The following PLA2R1 variants were observed in gnomAD, a reference collection of about 807,000 sequenced individuals.
PLA2R1 encodes phospholipase A2 receptor 1.
Under a neutral mutation model 195.9 loss-of-function variants are expected in PLA2R1, and 158 were observed. The ratio of observed to expected loss-of-function variants is 0.81; its 90% CI spans 0.71 to 0.92. The LOEUF (loss-of-function observed/expected upper bound fraction) is 0.92, where lower values mean the gene tolerates loss of function less well. Among genes scored for constraint, PLA2R1 ranks in the 40% least tolerant of loss-of-function variants. PLA2R1 has a pLI of 0.00. For synonymous variants in PLA2R1, 586 were observed against 598.2 expected (o/e 0.98, Z 0.30); for missense variants, 1,626 against 1,764.6 (o/e 0.92, Z 1.41).
intron 20 of PLA2R1, among the ~76,000 whole-genome samples, chr2:159,960,707 C>A (rs1051635899): frequency 5.3e-5 from 8 of 152,140 alleles, no homozygotes; most frequent in African/African-American, 1.9e-4. Context: ...CCTGGGTAAA[C>A]CCCTGGTCAA....
intron 15 of PLA2R1, 60 bp downstream of exon 15, chr2:159,977,224 G>T: frequency 1.5e-6 from 2 of 1,292,068 alleles, no homozygotes; most frequent in South Asian, 1.3e-5. Flanking sequence ...TTTAAATTGG[G>T]AAAGTACTAG....
intron 20 of PLA2R1, among the ~76,000 whole-genome samples, chr2:159,960,046 T>G (rs2105186648): frequency 6.6e-6 from 1 of 152,226 alleles, no homozygotes; most frequent in African/African-American, 2.4e-5. Flanking sequence ...CCATCAAGGG[T>G]TTCCCACTGC....
At chr2:159,982,428 AG>A (rs1228775891) in intron 13 of PLA2R1, among the ~76,000 whole-genome samples, 4 of 152,236 alleles carry the variant, frequency 2.6e-5, no homozygotes, top group Non-Finnish European at 5.9e-5. Context: ...CATTTCCCGT[AG>A]GGACTAGCAG....
At position 159,956,606 on chromosome 2, in the gene PLA2R1, TG is replaced by T. The variant is rs749047480; in HGVS notation, c.2925del (p.Asp977ThrfsTer36). 1 of 1,609,886 alleles carries T rather than the reference TG, an allele frequency of 6.2e-7. No individual in the cohort carries two copies. Among genetic ancestry groups the T allele is most frequent in the African/African-American group, 1.3e-5 (1 of 74,820 alleles). The part of the protein sequence containing the change: ...FNYKCLLLNI[P>X]KDPSSWKNWT... Reference sequence around the variant, plus strand: ...CAGTTCTTCCAACTGCTTGGGTCTTTGGGGATATTCAGCAGAAGGCACTATC... The same window carrying T: ...CAGTTCTTCCAACTGCTTGGGTCTTTGGGATATTCAGCAGAAGGCACTATC... On this transcript the variant is annotated frameshift_variant, in exon 21 of 30. Coordinates refer to ENST00000283243, the MANE Select transcript of PLA2R1 (RefSeq NM_007366.5). LOFTEE classifies it high-confidence loss of function.
chr2:159,955,460 C>T lies in PLA2R1; in HGVS notation c.3154-114G>A, dbSNP rs1441590074. 13 of 661,796 alleles carry T rather than the reference C, an allele frequency of 2.0e-5. No homozygotes were observed. In the Admixed American group the frequency reaches 2.2e-4, roughly 11 times the overall value. The allele number at this position is 661,796 out of a possible 1,614,324, so 41.0% of individuals were successfully genotyped here. ...TAAGACACCATTATTCCTTTATTCGCATTTAATAAACTTATTCACAAGTCA... is the reference window on the plus strand; with the variant it reads ...TAAGACACCATTATTCCTTTATTCGTATTTAATAAACTTATTCACAAGTCA... On this transcript the variant is annotated intron_variant, in intron 22 of 29. Transcript: ENST00000283243.
chr2:159,977,558 G>T (rs1689659234), intron 14 of PLA2R1, 142 bp from the exon 15 acceptor site: 1 of 595,804 alleles, frequency 1.7e-6, no homozygotes, highest in South Asian at 3.1e-5. Flanking sequence ...CTAGTTGAAG[G>T]TTGTTTCACA....
At chr2:159,978,212 C>T (rs1033131234) in intron 14 of PLA2R1, among the ~76,000 whole-genome samples, 5 of 152,084 alleles carry the variant, frequency 3.3e-5, no homozygotes, top group South Asian at 4.2e-4. Context: ...AGGTCACTTT[C>T]CATGAGTGAC....
Position 159,935,955 on chromosome 2 carries a change from T to A in PLA2R1, c.*5823A>T, listed in dbSNP as rs1416219999. On this transcript the variant is annotated 3_prime_UTR_variant, in exon 30 of 30. Transcript: ENST00000283243. ...TATGTATATAAATTAATTTTTTTTT[T>A]TTTTTTTTTTTTTTGAGAGAGAGTC... The A allele has an allele frequency of 1.4e-5, 2 of 140,908 alleles. No homozygotes were observed. Among genetic ancestry groups the A allele is most frequent in the Admixed American group, 1.4e-4 (2 of 14,310 alleles). 8.7% of individuals were successfully genotyped at this position (140,908 alleles called of 1,614,324 possible). A position where few individuals can be genotyped will look rare whatever the true frequency, so the allele number is the denominator to read the frequency against.
At chr2:159,991,439 CTTT>C (rs34466452) in intron 11 of PLA2R1, among the ~76,000 whole-genome samples, 1 of 136,022 alleles carries the variant, frequency 7.4e-6, no homozygotes, top group Non-Finnish European at 1.6e-5. Context: ...CACTTTCTTT[CTTT>C]TTTTTTTTTT....
In PLA2R1 at chr2:160,054,335, T is replaced by C. The variant is rs1055362833; in HGVS notation, c.109+7960A>G. On this transcript the variant is annotated intron_variant, in intron 1 of 29. Coordinates refer to ENST00000283243, the MANE Select transcript of PLA2R1 (RefSeq NM_007366.5). ...TAGTGCTGGCCTCACAAGGCCTTGA[T>C]AGGGATTATCTCAGTCATGATGATC... 2.6e-5 allele frequency among the ~76,000 whole-genome samples: 4 copies of C among 152,214 alleles called. No individual in the cohort carries two copies. The East Asian group carries it at 5.8e-4, about 22-fold the overall frequency.
rs190926181 is a variant in PLA2R1, at chr2:159,977,665, C to T, written c.2269-249G>A. On this transcript the variant is annotated intron_variant, in intron 14 of 29. Coordinates refer to ENST00000283243, the MANE Select transcript of PLA2R1 (RefSeq NM_007366.5). ...AAACAAGAAAACAAAAGGCCAGGCACGGTGGCTCATGCCTGTAATCCCAGC... is the reference window on the plus strand; with the variant it reads ...AAACAAGAAAACAAAAGGCCAGGCATGGTGGCTCATGCCTGTAATCCCAGC... Among the ~76,000 whole-genome samples the T allele has an allele frequency of 6.8e-3, 1,032 of 152,254 alleles. 6 individuals are homozygous for T. Among genetic ancestry groups the T allele is most frequent in the Non-Finnish European group, 9.8e-3 (666 of 68,026 alleles).
rs1686788304 is a variant in PLA2R1, at chr2:159,935,750, T to G, written c.*6028A>C. 6.6e-6 allele frequency: 1 copy of G among 152,094 alleles called. No homozygotes were observed. The highest frequency in any genetic ancestry group is 2.1e-4 in the South Asian group (1 of 4,822). The allele number at this position is 152,094 out of a possible 1,614,324, so 9.4% of individuals were successfully genotyped here. On this transcript the variant is annotated 3_prime_UTR_variant, in exon 30 of 30. Transcript: ENST00000283243. ...CTTTGACTGGAGATACTACAACAATTTGAATTCTATCATAATCTATTTAAA... is the reference window on the plus strand; with the variant it reads ...CTTTGACTGGAGATACTACAACAATGTGAATTCTATCATAATCTATTTAAA...
intron 6 of PLA2R1, among the ~76,000 whole-genome samples, chr2:160,025,465 T>C (rs1239653287): frequency 6.6e-6 from 1 of 151,966 alleles, no homozygotes; most frequent in African/African-American, 2.4e-5. Flanking sequence ...GACATCAAAA[T>C]TTTAACTATT....
intron 11 of PLA2R1, among the ~76,000 whole-genome samples, chr2:159,994,197 T>C (rs1346954111): frequency 6.6e-6 from 1 of 151,816 alleles, no homozygotes; most frequent in East Asian, 1.9e-4. Flanking sequence ...TTTTTAAAAA[T>C]AAAAATGCGT....
rs1289129049 is a variant in PLA2R1 at position 159,989,848 on chromosome 2, T to C, written c.1835-2490A>G. 3.9e-5 allele frequency among the ~76,000 whole-genome samples: 6 copies of C among 152,194 alleles called. No individual in the cohort carries two copies. In the East Asian group the frequency reaches 5.8e-4, roughly 15 times the overall value. The stretch of plus-strand genomic sequence containing the variant: ...CAAGTTTGAAATGTAATATACTTTT[T>C]TGTTGGTCTTGCATTTTGTCTCACT... On this transcript the variant is annotated intron_variant, in intron 11 of 29. Coordinates refer to ENST00000283243, the MANE Select transcript of PLA2R1 (RefSeq NM_007366.5).
chr2:160,017,940 A>G (rs1485944219), intron 8 of PLA2R1, among the ~76,000 whole-genome samples: 1 of 152,194 alleles, frequency 6.6e-6, no homozygotes. Flanking sequence ...TGTCAGGCAT[A>G]CTATAGTTAA....
Position 160,033,138 on chromosome 2 carries a change from A to C in PLA2R1, c.668-6T>G. Reference sequence around the variant, plus strand: ...ACAACCTACTTCTGCAGAGGCTGGAAACAATGGCCATTAAAAACAACCAGG... The same window carrying C: ...ACAACCTACTTCTGCAGAGGCTGGACACAATGGCCATTAAAAACAACCAGG... On this transcript the variant is annotated splice_region_variant and splice_polypyrimidine_tract_variant and intron_variant, in intron 3 of 29. Transcript: ENST00000283243. 2 of 1,601,460 alleles carry C rather than the reference A, an allele frequency of 1.2e-6. No individual in the cohort carries two copies. Among genetic ancestry groups the C allele is most frequent in the Non-Finnish European group, 1.7e-6 (2 of 1,174,750 alleles).
rs1198881191 is a variant in PLA2R1 at position 159,939,630 on chromosome 2, T to C, written c.*2148A>G. ...AAGAAGTGTGTGATCTGTCCATGGGTCCAGATTATCTGGAGATGTTGTTCA... is the reference window on the plus strand; with the variant it reads ...AAGAAGTGTGTGATCTGTCCATGGGCCCAGATTATCTGGAGATGTTGTTCA... On this transcript the variant is annotated 3_prime_UTR_variant, in exon 30 of 30. Coordinates refer to ENST00000283243, the MANE Select transcript of PLA2R1 (RefSeq NM_007366.5). The C allele has an allele frequency of 6.6e-6, 1 of 152,138 alleles. No homozygotes were observed. Among genetic ancestry groups the C allele is most frequent in the Non-Finnish European group, 1.5e-5 (1 of 68,018 alleles). 9.4% of individuals were successfully genotyped at this position (152,138 alleles called of 1,614,324 possible).
chr2:159,994,395 A>G (rs1316356365), intron 11 of PLA2R1, among the ~76,000 whole-genome samples: 1 of 152,098 alleles, frequency 6.6e-6, no homozygotes, highest in Non-Finnish European at 1.5e-5. Context: ...CTATCAACCA[A>G]TTACAATGTG....
Sources: gnomAD v4.1 joint callset for allele counts (sites outside exome capture counted in the v4.1 genomes callset) on GRCh38, gnomAD v4.1.1 for gene constraint, MANE v1.5 for transcripts, NCBI Gene and HGNC (gene_info 2026-07-23, HGNC 2026-07-21) for gene names.